NDUFC2: variants seen among roughly 807,000 people sequenced by gnomAD.
NDUFC2 encodes the protein NADH:ubiquinone oxidoreductase subunit C2, also known as NADH dehydrogenase [ubiquinone] 1 subunit C2.
In NDUFC2, 2 loss-of-function variants were observed where a neutral mutation model predicts 10.1. That is an observed-to-expected ratio of 0.20 (90% CI 0.08 to 0.62). The LOEUF (loss-of-function observed/expected upper bound fraction) is 0.62. Ranked by LOEUF, NDUFC2 falls within the 20% of genes least tolerant of loss-of-function variation. The pLI is 0.87. For missense variants in NDUFC2, 156 were observed against 159.6 expected (o/e 0.98, Z 0.12); for synonymous variants, 61 against 63.6 (o/e 0.96, Z 0.20).
chr11:78,071,901 T>C (rs1859024343), intron 2 of NDUFC2, among the ~76,000 whole-genome samples: 1 of 152,104 alleles, frequency 6.6e-6, no homozygotes, highest in African/African-American at 2.4e-5. Context: ...AAATGATGAG[T>C]GATGAGGAAT....
intron 1 of NDUFC2, among the ~76,000 whole-genome samples, chr11:78,077,228 G>A (rs1859285888): frequency 6.6e-6 from 1 of 151,882 alleles, no homozygotes; most frequent in South Asian, 2.1e-4. Flanking sequence ...GGAGGTCGAG[G>A]CTGCAGTGAG....
chr11:78,079,788 T>A lies in NDUFC2; in HGVS notation c.-44A>T, dbSNP rs762320950. On this transcript the variant is annotated 5_prime_UTR_variant, in exon 1 of 3. Transcript: ENST00000281031. Reference sequence around the variant, plus strand: ...TGAGGCCTGGTCTCAGACCACGAACTACAAGGAAAACCACGACGACCACTA... The same window carrying A: ...TGAGGCCTGGTCTCAGACCACGAACAACAAGGAAAACCACGACGACCACTA... 6.4e-7 allele frequency: 1 copy of A among 1,565,924 alleles called. No individual in the cohort carries two copies. The highest frequency in any genetic ancestry group is 1.2e-5 in the South Asian group (1 of 84,780).
chr11:78,069,663 T>C lies in NDUFC2; in HGVS notation c.*324A>G, dbSNP rs900781817. The C allele has an allele frequency of 1.7e-6, 1 of 572,662 alleles. No homozygotes were observed. Among genetic ancestry groups the C allele is most frequent in the Non-Finnish European group, 3.0e-6 (1 of 330,800 alleles). 35.5% of individuals were successfully genotyped at this position (572,662 alleles called of 1,614,324 possible). On this transcript the variant is annotated 3_prime_UTR_variant, in exon 3 of 3. Transcript: ENST00000281031. ...TGCTCTTGCAGCATGGCAGTCGCCA[T>C]AAACAACATGTAAACAAATGAGCAT...
chr11:78,079,403 G>C (rs753838435), intron 1 of NDUFC2, among the ~76,000 whole-genome samples, 176 bp downstream of exon 1: 6 of 152,070 alleles, frequency 3.9e-5, no homozygotes, highest in Non-Finnish European at 7.4e-5. Context: ...TGACACTCTG[G>C]CTCTGCTTGA....
Position 78,068,588 on chromosome 11 carries a change from C to T in NDUFC2, c.*1399G>A, listed in dbSNP as rs1225745620. ...GATCACAAGGTCAAGAGATTGAGACCATCTTGGCCAACATGGTGAAACCCC... is the reference window on the plus strand; with the variant it reads ...GATCACAAGGTCAAGAGATTGAGACTATCTTGGCCAACATGGTGAAACCCC... On this transcript the variant is annotated 3_prime_UTR_variant, in exon 3 of 3. Coordinates refer to ENST00000281031, the MANE Select transcript of NDUFC2 (RefSeq NM_004549.6). 6.6e-6 allele frequency: 1 copy of T among 152,072 alleles called. No homozygotes were observed. The highest frequency in any genetic ancestry group is 1.5e-5 in the Non-Finnish European group (1 of 68,046). 9.4% of individuals were successfully genotyped at this position (152,072 alleles called of 1,614,324 possible). A position where few individuals can be genotyped will look rare whatever the true frequency, so the allele number is the denominator to read the frequency against.
At position 78,079,648 on chromosome 11, in the gene NDUFC2, T is replaced by A; in HGVS notation, c.97A>T (p.Ile33Phe). 2 of 1,597,772 alleles carry A rather than the reference T, an allele frequency of 1.3e-6. No homozygotes were observed. Among genetic ancestry groups the A allele is most frequent in the Non-Finnish European group, 1.7e-6 (2 of 1,172,758 alleles). ...PKLTDPRLLY[I>F]GFLGYCSGLI... ...CCGGAGCAGTAGCCCAAGAAGCCGA[T>A]GTAGAGGAGCCGCGGGTCGGTCAGC... The change falls in exon 1 of 3, where the codon ATC becomes TTC. Residue 33 changes from isoleucine (I) to phenylalanine (F), a missense_variant. Ile to Phe is a conservative substitution (Grantham distance 21). Transcript: ENST00000281031.
At chr11:78,078,728 C>CTTTGTTTTTTTTTTTTTTTTTT (rs1859358150) in intron 1 of NDUFC2, among the ~76,000 whole-genome samples, 1 of 61,642 alleles carries the variant, frequency 1.6e-5, no homozygotes. Flanking sequence ...TCAGGATCCG[C>CTTTGTTTTTTTTTTTTTTTTTT]TTTTTTTTTT....
Position 78,069,666 on chromosome 11 carries a change from A to G in NDUFC2, c.*321T>C, listed in dbSNP as rs1331067864. 3 of 575,106 alleles carry G rather than the reference A, an allele frequency of 5.2e-6. No individual in the cohort carries two copies. 35.6% of individuals were successfully genotyped at this position (575,106 alleles called of 1,614,324 possible). On this transcript the variant is annotated 3_prime_UTR_variant, in exon 3 of 3. Coordinates refer to ENST00000281031, the MANE Select transcript of NDUFC2 (RefSeq NM_004549.6). ...TCTTGCAGCATGGCAGTCGCCATAAACAACATGTAAACAAATGAGCATGGC... is the reference window on the plus strand; with the variant it reads ...TCTTGCAGCATGGCAGTCGCCATAAGCAACATGTAAACAAATGAGCATGGC...
intron 1 of NDUFC2, among the ~76,000 whole-genome samples, chr11:78,076,899 A>G (rs1859273412): frequency 6.6e-6 from 1 of 152,102 alleles, no homozygotes; most frequent in African/African-American, 2.4e-5. Context: ...ACCCACCTCT[A>G]TCAAAACATG....
At position 78,069,407 on chromosome 11, in the gene NDUFC2, T is replaced by TTATA. The variant is rs1858893322; in HGVS notation, c.*576_*579dup. The TTATA allele has an allele frequency of 6.3e-6, 1 of 159,602 alleles. No individual in the cohort carries two copies. The highest frequency in any genetic ancestry group is 1.4e-5 in the Non-Finnish European group (1 of 73,518). 9.9% of individuals were successfully genotyped at this position (159,602 alleles called of 1,614,324 possible). On this transcript the variant is annotated 3_prime_UTR_variant, in exon 3 of 3. Transcript: ENST00000281031. The stretch of plus-strand genomic sequence containing the variant: ...TCGAAACCACCTTCTATATCATTCA[T>TTATA]TATAGACAGCTCAGAAATACAAACC...
chr11:78,079,370 C>T (rs777930021), intron 1 of NDUFC2, among the ~76,000 whole-genome samples: 1 of 152,124 alleles, frequency 6.6e-6, no homozygotes, highest in African/African-American at 2.4e-5. Flanking sequence ...CTTCACTGCA[C>T]CTCAGTTTCT....
In NDUFC2 at chr11:78,079,831, A is replaced by T; in HGVS notation, c.-87T>A. ...GACCACTACCCCGGCCTAAGCGGTC[A>T]GCTTTCTCCTCCTCCTCTGCGCGCC... On this transcript the variant is annotated 5_prime_UTR_variant, in exon 1 of 3. Transcript: ENST00000281031. 1 of 1,477,850 alleles carries T rather than the reference A, an allele frequency of 6.8e-7. No individual in the cohort carries two copies. Among genetic ancestry groups the T allele is most frequent in the Non-Finnish European group, 9.0e-7 (1 of 1,112,386 alleles). 91.5% of individuals were successfully genotyped at this position (1,477,850 alleles called of 1,614,324 possible).
At chr11:78,078,728 C>CTTTTTTTGTTTTTTTTTTTTTT (rs1859358740) in intron 1 of NDUFC2, among the ~76,000 whole-genome samples, 1 of 61,642 alleles carries the variant, frequency 1.6e-5, no homozygotes, top group African/African-American at 6.2e-5. Context: ...TCAGGATCCG[C>CTTTTTTTGTTTTTTTTTTTTTT]TTTTTTTTTT....
rs1858913972 is a variant in NDUFC2 at position 78,069,823 on chromosome 11, A to G, written c.*164T>C. 1 of 1,459,704 alleles carries G rather than the reference A, an allele frequency of 6.9e-7. No individual in the cohort carries two copies. Among genetic ancestry groups the G allele is most frequent in the Non-Finnish European group, 9.4e-7 (1 of 1,068,640 alleles). 90.4% of individuals were successfully genotyped at this position (1,459,704 alleles called of 1,614,324 possible). On this transcript the variant is annotated 3_prime_UTR_variant, in exon 3 of 3. Transcript: ENST00000281031. Reference sequence around the variant, plus strand: ...ACTGACCATTCTCTGATGATGAACTATTTTTCTTACAACAATAAAGAGTCA... The same window carrying G: ...ACTGACCATTCTCTGATGATGAACTGTTTTTCTTACAACAATAAAGAGTCA...
intron 2 of NDUFC2, among the ~76,000 whole-genome samples, chr11:78,072,472 C>T (rs1281760386): frequency 6.6e-6 from 1 of 152,200 alleles, no homozygotes; most frequent in Non-Finnish European, 1.5e-5. Context: ...GCCACTGCGA[C>T]CAGCCGGATG....
At chr11:78,077,300 AAAAAGG>A (rs1384788693) in intron 1 of NDUFC2, among the ~76,000 whole-genome samples, 2 of 152,124 alleles carry the variant, frequency 1.3e-5, no homozygotes, top group African/African-American at 4.8e-5. Context: ...TCAAAAAAAA[AAAAAGG>A]GTTCTGTAAA....
At chr11:78,075,086 C>A (rs893957295) in intron 1 of NDUFC2, among the ~76,000 whole-genome samples, 3 of 152,182 alleles carry the variant, frequency 2.0e-5, no homozygotes, top group Non-Finnish European at 4.4e-5. Context: ...GTGAGTCTAA[C>A]CCCGGCAGCT....
intron 2 of NDUFC2, among the ~76,000 whole-genome samples, chr11:78,070,897 T>C (rs1478992668): frequency 6.6e-6 from 1 of 152,184 alleles, no homozygotes; most frequent in South Asian, 2.1e-4. Context: ...AGGGAACTCA[T>C]GGAACTATGT....
rs756767806 is a variant in NDUFC2, at chr11:78,073,120, T to C, written c.188A>G (p.Tyr63Cys). The C allele has an allele frequency of 2.2e-5, 36 of 1,611,236 alleles. No homozygotes were observed. Among genetic ancestry groups the C allele is most frequent in the Non-Finnish European group, 3.0e-5 (35 of 1,179,476 alleles). Residue 63 changes from tyrosine to cysteine, a missense_variant, in exon 2 of 3, where the codon TAT becomes TGT. Transcript: ENST00000281031. ...ATAGLHRQLL[Y>C]ITAFFFAGYY... ...TCCAGCAAAAAAAAAGGCCGTAATATATAGAAGCTGGCGATGCAAACCTGA... is the reference window on the plus strand; with the variant it reads ...TCCAGCAAAAAAAAAGGCCGTAATACATAGAAGCTGGCGATGCAAACCTGA...
Sources: allele counts gnomAD v4.1 joint callset (sites outside exome capture counted in the v4.1 genomes callset), GRCh38; gene constraint gnomAD v4.1.1; transcripts MANE v1.5; gene names NCBI Gene and HGNC (gene_info 2026-07-23, HGNC 2026-07-21).